The following CHST11 variants were observed in gnomAD, a reference collection of about 807,000 sequenced individuals.
The protein encoded by CHST11 is C4S-1.
A neutral mutation model predicts 30.4 loss-of-function variants in CHST11; 9 were observed. The ratio of observed to expected loss-of-function variants is 0.30; its 90% CI spans 0.18 to 0.52. The LOEUF is 0.52. Ranked by LOEUF, CHST11 falls within the 20% of genes least tolerant of loss-of-function variation. CHST11 has a pLI of 0.97. For missense variants in CHST11, 348 were observed against 460.6 expected (o/e 0.76, Z 2.24); for synonymous variants, 152 against 187.8 (o/e 0.81, Z 1.56).
At chr12:104,465,938 G>A (rs898500298) in intron 1 of CHST11, among the ~76,000 whole-genome samples, 12 of 151,862 alleles carry the variant, frequency 7.9e-5, no homozygotes, top group African/African-American at 2.7e-4. Flanking sequence ...GCACCGTCTG[G>A]CTCCTCTGCC....
chr12:104,612,494 C>A (rs2039069441), intron 2 of CHST11, among the ~76,000 whole-genome samples: 1 of 152,136 alleles, frequency 6.6e-6, no homozygotes, highest in Non-Finnish European at 1.5e-5. Flanking sequence ...TCCAGTATGA[C>A]CTCATCTTAG....
chr12:104,494,076 G>A (rs1260341765), intron 1 of CHST11, among the ~76,000 whole-genome samples: 1 of 152,100 alleles, frequency 6.6e-6, no homozygotes. Flanking sequence ...CCAAAGTGTT[G>A]GGATTATAGT....
chr12:104,575,885 T>C (rs1022468498), intron 1 of CHST11, among the ~76,000 whole-genome samples: 3 of 151,954 alleles, frequency 2.0e-5, no homozygotes, highest in Non-Finnish European at 4.4e-5. Flanking sequence ...AACTCAACAT[T>C]GTAAATAAAA....
At chr12:104,466,738 G>A in intron 1 of CHST11, among the ~76,000 whole-genome samples, 1 of 152,190 alleles carries the variant, frequency 6.6e-6, no homozygotes, top group South Asian at 2.1e-4. Context: ...ACATATTTGA[G>A]CAGCCATCCC....
chr12:104,747,855 T>C (rs1240968186), intron 2 of CHST11, among the ~76,000 whole-genome samples: 1 of 151,992 alleles, frequency 6.6e-6, no homozygotes, highest in Non-Finnish European at 1.5e-5. Flanking sequence ...CCTGTTTGGG[T>C]TCTTGTGTCT....
chr12:104,684,256 GTGGATGGATGGATGGA>G lies in CHST11; in HGVS notation c.205-72659_205-72644del, dbSNP rs71069772. Among the ~76,000 whole-genome samples the G allele has an allele frequency of 1.7e-3, 247 of 148,042 alleles. 5 individuals carry two copies. The East Asian group carries it at 0.037, about 22-fold the overall frequency. On this transcript the variant is annotated intron_variant, in intron 2 of 2. Coordinates refer to ENST00000303694, the MANE Select transcript of CHST11 (RefSeq NM_018413.6). ...GAATAAATAGGAATTGGTACAAAATGTGGATGGATGGATGGATGGATGGATGGATGGATGGATGGAT... is the reference window on the plus strand; with the variant it reads ...GAATAAATAGGAATTGGTACAAAATGTGGATGGATGGATGGATGGATGGAT...
intron 1 of CHST11, among the ~76,000 whole-genome samples, chr12:104,577,316 A>G (rs2038693980): frequency 7.3e-6 from 1 of 136,252 alleles, no homozygotes; most frequent in South Asian, 2.2e-4. Context: ...CATTTTAACC[A>G]TTTTTAGTGT....
intron 2 of CHST11, among the ~76,000 whole-genome samples, chr12:104,653,773 C>T (rs575758452): frequency 2.6e-5 from 4 of 152,172 alleles, no homozygotes; most frequent in African/African-American, 4.8e-5. Flanking sequence ...AACGGAGGCT[C>T]GAGGAGATTA....
At chr12:104,708,372 C>T (rs1047567478) in intron 2 of CHST11, among the ~76,000 whole-genome samples, 2 of 152,188 alleles carry the variant, frequency 1.3e-5, no homozygotes, top group African/African-American at 4.8e-5. Flanking sequence ...TTGTCAAAGG[C>T]GCCAGCTTTC....
At chr12:104,651,717 CT>C (rs1286827542) in intron 2 of CHST11, among the ~76,000 whole-genome samples, 1 of 152,206 alleles carries the variant, frequency 6.6e-6, no homozygotes, top group Non-Finnish European at 1.5e-5. Flanking sequence ...GCCCAGCACC[CT>C]TTTTCCTTTT....
At chr12:104,753,526 A>G (rs2040451365) in intron 2 of CHST11, among the ~76,000 whole-genome samples, 1 of 152,250 alleles carries the variant, frequency 6.6e-6, no homozygotes, top group African/African-American at 2.4e-5. Flanking sequence ...TTGGAGAACT[A>G]AAAAATAGCA....
chr12:104,720,160 A>C (rs1018035424), intron 2 of CHST11, among the ~76,000 whole-genome samples: 2 of 152,210 alleles, frequency 1.3e-5, no homozygotes, highest in Non-Finnish European at 2.9e-5. Context: ...CTCCTGAAAC[A>C]CTGCCCTGCA....
chr12:104,527,472 C>G (rs1405582373), intron 1 of CHST11, among the ~76,000 whole-genome samples: 1 of 152,174 alleles, frequency 6.6e-6, no homozygotes, highest in East Asian at 1.9e-4. Context: ...TCCTTTATGA[C>G]TCAGTTCTAG....
At chr12:104,626,515 A>G (rs1414371545) in intron 2 of CHST11, among the ~76,000 whole-genome samples, 1 of 149,876 alleles carries the variant, frequency 6.7e-6, no homozygotes, top group Non-Finnish European at 1.5e-5. Context: ...ATCATGTGTG[A>G]GAGAGGGTTC....
intron 1 of CHST11, among the ~76,000 whole-genome samples, chr12:104,481,171 C>T (rs2037618661): frequency 6.6e-6 from 1 of 152,106 alleles, no homozygotes; most frequent in Admixed American, 6.5e-5. Flanking sequence ...AGAAGAGAAA[C>T]CCAAATCCTT....
At chr12:104,689,880 C>G (rs940035355) in intron 2 of CHST11, among the ~76,000 whole-genome samples, 2 of 152,172 alleles carry the variant, frequency 1.3e-5, no homozygotes, top group Non-Finnish European at 2.9e-5. Flanking sequence ...GTCTCTCCCC[C>G]GTCTCTTCCC....
chr12:104,502,343 A>G (rs944877362), intron 1 of CHST11, among the ~76,000 whole-genome samples: 3 of 152,196 alleles, frequency 2.0e-5, no homozygotes, highest in South Asian at 2.1e-4. Flanking sequence ...TATTGTGCCC[A>G]GATTCTTCTC....
At chr12:104,488,848 A>G (rs116922401) in intron 1 of CHST11, among the ~76,000 whole-genome samples, 3,139 of 151,896 alleles carry the variant, frequency 0.021, 44 homozygotes, top group Middle Eastern at 0.051. Flanking sequence ...AAGTACTGCA[A>G]ACTGGGTGGC....
In CHST11 at chr12:104,689,269, A is replaced by G. The variant is rs182805116; in HGVS notation, c.205-67680A>G. ...CTACCCAACCTGAAACCTCAGGGCC[A>G]TAAATCGCCTGCTGCCTCCTCAGGT... On this transcript the variant is annotated intron_variant, in intron 2 of 2. Transcript: ENST00000303694. Among the ~76,000 whole-genome samples, 501 of 152,352 alleles carry G rather than the reference A, an allele frequency of 3.3e-3. 4 individuals are homozygous for G. The highest frequency in any genetic ancestry group is 0.011 in the African/African-American group (448 of 41,576).
Sources: gnomAD v4.1 joint callset for allele counts (sites outside exome capture counted in the v4.1 genomes callset) on GRCh38, gnomAD v4.1.1 for gene constraint, MANE v1.5 for transcripts, NCBI Gene and HGNC (gene_info 2026-07-23, HGNC 2026-07-21) for gene names.